The following EIF5 variants were observed in gnomAD, a reference collection of about 807,000 sequenced individuals.
EIF5 encodes the protein eukaryotic translation initiation factor 5.
A neutral mutation model predicts 48.3 loss-of-function variants in EIF5; 10 were observed. The observed-to-expected ratio is 0.21, with a 90% CI of 0.13 to 0.35. EIF5 has a LOEUF of 0.35. Ranked by LOEUF, EIF5 falls within the 10% of genes least tolerant of loss-of-function variation. EIF5 has a pLI of 1.00. For missense variants in EIF5, 397 were observed against 533.2 expected (o/e 0.74, Z 2.51); for synonymous variants, 237 against 173.1 (o/e 1.37, Z -2.90).
chr14:103,338,417 A>T lies in EIF5; in HGVS notation c.530A>T (p.Glu177Val). ...DKENGSVSSSETPPPPPPPNE... is the reference protein window; with the variant it reads ...DKENGSVSSSVTPPPPPPPNE... ...GAAAATGGCTCCGTATCCAGCAGTG[A>T]GACACCACCACCACCACCACCACCA... The change falls in exon 7 of 12, where the codon GAG becomes GTG. Residue 177 changes from glutamate (E) to valine (V), a missense_variant. Physicochemically the swap from Glu to Val is moderately radical, Grantham distance 121. This residue lies in a region of EIF5 where 126 missense variants were observed against 141.9 expected (regional missense o/e 0.89). Coordinates refer to ENST00000216554, the MANE Select transcript of EIF5 (RefSeq NM_001969.5). 3.8e-6 allele frequency: 6 copies of T among 1,594,402 alleles called. No individual in the cohort carries two copies. The highest frequency in any genetic ancestry group is 5.1e-6 in the Non-Finnish European group (6 of 1,166,440).
At chr14:103,340,648 C>T (rs946401693) in intron 11 of EIF5, 87 bp downstream of exon 11, 30 of 1,498,618 alleles carry the variant, frequency 2.0e-5, no homozygotes, top group Non-Finnish European at 2.7e-5. Flanking sequence ...GATATAATGG[C>T]AGTTTGGGGT....
At chr14:103,340,729 T>G (rs1194492620) in intron 11 of EIF5, among the ~76,000 whole-genome samples, 168 bp downstream of exon 11, 1 of 151,996 alleles carries the variant, frequency 6.6e-6, no homozygotes, top group East Asian at 1.9e-4. Flanking sequence ...ATAGAAAGGG[T>G]GATGGAAACT....
chr14:103,339,319 C>T lies in EIF5; in HGVS notation c.892C>T (p.Arg298Cys), dbSNP rs184707282. Residue 298 changes from arginine (R) to cysteine (C), a missense_variant, in exon 9 of 12, where the codon CGC becomes TGC. By Grantham distance (180) the Arg-to-Cys change is radical. Coordinates refer to ENST00000216554, the MANE Select transcript of EIF5 (RefSeq NM_001969.5). Reference sequence around the variant, plus strand: ...TAGAGAACAGATTAAGAAATACAGGCGCCATTTCCTACGAGTAAGCAAAGT... The same window carrying T: ...TAGAGAACAGATTAAGAAATACAGGTGCCATTTCCTACGAGTAAGCAAAGT... ...KIREQIKKYR[R>C]HFLRFCHNNK... The T allele has an allele frequency of 4.4e-6, 7 of 1,591,752 alleles. No individual in the cohort carries two copies. Among genetic ancestry groups the T allele is most frequent in the East Asian group, 4.5e-5 (2 of 44,784 alleles).
rs763751190 is a variant in EIF5, at chr14:103,339,294, T to G, written c.867T>G (p.Ile289Met). 6 of 1,605,894 alleles carry G rather than the reference T, an allele frequency of 3.7e-6. No homozygotes were observed. Among genetic ancestry groups the G allele is most frequent in the Middle Eastern group, 1.7e-4 (1 of 6,026 alleles). Reference protein sequence around the residue: ...VLTEVLFNEKIREQIKKYRRH... With the variant: ...VLTEVLFNEKMREQIKKYRRH... ...CTGAAGTTCTTTTTAATGAGAAGATTAGAGAACAGATTAAGAAATACAGGC... is the reference window on the plus strand; with the variant it reads ...CTGAAGTTCTTTTTAATGAGAAGATGAGAGAACAGATTAAGAAATACAGGC... Residue 289 changes from isoleucine to methionine, a missense_variant, in exon 9 of 12, where the codon ATT (isoleucine) becomes ATG (methionine). Physicochemically the swap from Ile to Met is conservative, Grantham distance 10 (BLOSUM62 1). Coordinates refer to ENST00000216554, the MANE Select transcript of EIF5 (RefSeq NM_001969.5).
At chr14:103,340,829 C>A in intron 11 of EIF5, 134 bp from the exon 12 acceptor site, 2 of 967,368 alleles carry the variant, frequency 2.1e-6, no homozygotes, top group Non-Finnish European at 3.1e-6. Flanking sequence ...GCAGTGTTTG[C>A]ATAACAGAGC....
intron 7 of EIF5, 59 bp downstream of exon 7, chr14:103,338,531 G>A: frequency 6.6e-7 from 1 of 1,520,486 alleles, no homozygotes; most frequent in Non-Finnish European, 8.8e-7. Flanking sequence ...TATGGCATTT[G>A]GTTGAGGTGG....
At chr14:103,338,095 C>T (rs1186487621) in intron 6 of EIF5, 2 of 653,026 alleles carry the variant, frequency 3.1e-6, no homozygotes, top group Admixed American at 2.4e-5. Context: ...TCTTTCTTAG[C>T]AGTTACAATA....
intron 11 of EIF5, 117 bp from the exon 12 acceptor site, chr14:103,340,846 G>T: frequency 1.9e-6 from 2 of 1,057,986 alleles, no homozygotes; most frequent in South Asian, 2.8e-5. Flanking sequence ...GAGCTGTTCC[G>T]TGAAGAAGAA....
rs779387194 is a variant in EIF5 at position 103,338,333 on chromosome 14, G to C, written c.446G>C (p.Ser149Thr). Reference protein sequence around the residue: ...TFILKNPPENSDSGTGKKEKE... With the variant: ...TFILKNPPENTDSGTGKKEKE... ...TTTCCCTTTTTTTCTGTAGAGAATA[G>C]TGACAGTGGTACAGGAAAGAAAGAA... is the stretch of plus-strand genomic sequence containing the variant. Residue 149 changes from serine (S) to threonine (T), a missense_variant, in exon 7 of 12, where the codon AGT becomes ACT. Ser to Thr is a moderately conservative substitution (Grantham distance 58). Transcript: ENST00000216554. The C allele has an allele frequency of 6.2e-7, 1 of 1,613,606 alleles. No homozygotes were observed. Among genetic ancestry groups the C allele is most frequent in the South Asian group, 1.1e-5 (1 of 91,040 alleles).
chr14:103,341,037 T>C lies in EIF5; in HGVS notation c.1281T>C (p.Asp427=), dbSNP rs765507870. The C allele has an allele frequency of 9.0e-5, 146 of 1,613,994 alleles. No individual in the cohort carries two copies. The highest frequency in any genetic ancestry group is 1.2e-4 in the Non-Finnish European group (139 of 1,179,968). The change falls in exon 12 of 12, where the codon GAT becomes GAC. Residue 427 remains aspartate (D), a synonymous_variant. Coordinates refer to ENST00000216554, the MANE Select transcript of EIF5 (RefSeq NM_001969.5). ...VKSDNKDDDI[D]IDAI Reference sequence around the variant, plus strand: ...CAGACAACAAGGATGACGACATCGATATTGATGCCATTTAAAGGGATGGAT... The same window carrying C: ...CAGACAACAAGGATGACGACATCGACATTGATGCCATTTAAAGGGATGGAT...
In EIF5 at chr14:103,337,250, C is replaced by T. The variant is rs188535481; in HGVS notation, c.439+23C>T. On this transcript the variant is annotated intron_variant, in intron 6 of 11. Coordinates refer to ENST00000216554, the MANE Select transcript of EIF5 (RefSeq NM_001969.5). ...CTGGTGAGTCTTCCATGATGAACTC[C>T]TAAGATCCTAAGATAAGTTACTAAC... 4 of 1,553,948 alleles carry T rather than the reference C, an allele frequency of 2.6e-6. No homozygotes were observed. The South Asian group carries it at 3.5e-5, about 14-fold the overall frequency.
chr14:103,334,914 A>G (rs902579285), intron 2 of EIF5: 1 of 151,400 alleles, frequency 6.6e-6, no homozygotes, highest in African/African-American at 2.4e-5. Flanking sequence ...CCGGCTGTGC[A>G]CCCTCCGGGG....
Position 103,335,779 on chromosome 14 carries a change from CCTT to C in EIF5, c.-76_-74del, listed in dbSNP as rs1212437966. 3 of 1,483,076 alleles carry C rather than the reference CCTT, an allele frequency of 2.0e-6. No homozygotes were observed. Among genetic ancestry groups the C allele is most frequent in the Non-Finnish European group, 2.8e-6 (3 of 1,064,746 alleles). 91.9% of individuals were successfully genotyped at this position (1,483,076 alleles called of 1,614,324 possible). A position where few individuals can be genotyped will look rare whatever the true frequency, so the allele number is the denominator to read the frequency against. ...AACTCTTGCAGTCGTTTATGTCATC[CCTT>C]CTTCTCCAGACAGAAGATACCAAAA... On this transcript the variant is annotated 5_prime_UTR_variant, in exon 3 of 12. Transcript: ENST00000216554.
intron 11 of EIF5, 68 bp from the exon 12 acceptor site, chr14:103,340,895 A>G (rs976364773): frequency 1.6e-4 from 238 of 1,521,010 alleles, no homozygotes; most frequent in African/African-American, 6.7e-4. Flanking sequence ...TGTGACCACA[A>G]TTTACATTGA....
At chr14:103,339,367 T>TA (rs1566722582) in intron 9 of EIF5, 34 bp downstream of exon 9, 1 of 1,568,750 alleles carries the variant, frequency 6.4e-7, no homozygotes, top group East Asian at 2.2e-5. Context: ...TAAATGAGAT[T>TA]ACAGTTGTGT....
At chr14:103,335,987 T>C in intron 3 of EIF5, 49 bp from the exon 4 acceptor site, 2 of 1,613,996 alleles carry the variant, frequency 1.2e-6, no homozygotes, top group Non-Finnish European at 1.7e-6. Flanking sequence ...ATTTTGAAGT[T>C]TGCATTTGTC....
chr14:103,342,429 G>A lies in EIF5; in HGVS notation c.*1377G>A, dbSNP rs529934199. On this transcript the variant is annotated 3_prime_UTR_variant, in exon 12 of 12. Coordinates refer to ENST00000216554, the MANE Select transcript of EIF5 (RefSeq NM_001969.5). The stretch of plus-strand genomic sequence containing the variant: ...GACTGTTTGAGTAATCATCTTCAAG[G>A]TTAAACCTCTTGGCAGTTACCCTTT... The A allele has an allele frequency of 1.3e-5, 2 of 152,298 alleles. No individual in the cohort carries two copies. Among genetic ancestry groups the A allele is most frequent in the Admixed American group, 6.5e-5 (1 of 15,300 alleles). The allele number at this position is 152,298 out of a possible 1,614,324, so 9.4% of individuals were successfully genotyped here.
chr14:103,341,314 CATTT>C lies in EIF5; in HGVS notation c.*265_*268del. On this transcript the variant is annotated 3_prime_UTR_variant, in exon 12 of 12. Transcript: ENST00000216554. The stretch of plus-strand genomic sequence containing the variant: ...ACTAGTGGTGGACACATTTGGATCA[CATTT>C]ATACAGTTATAAAAATAAAGGTTTG... The C allele has an allele frequency of 3.1e-6, 1 of 327,844 alleles. No individual in the cohort carries two copies. 20.3% of individuals were successfully genotyped at this position (327,844 alleles called of 1,614,324 possible).
Position 103,336,681 on chromosome 14 carries a change from C to T in EIF5, c.159C>T (p.Pro53=), listed in dbSNP as rs913538613. Residue 53 remains proline (P), a synonymous_variant, in exon 5 of 12, where the codon CCC becomes CCT. Transcript: ENST00000216554. The part of the protein sequence containing the change: ...AKALNRPPTY[P]TKYFGCELGA... ...ACTCCTTTTTCATTCAAATAGATCC[C>T]ACCAAATATTTTGGTTGTGAGCTGG... 6.2e-7 allele frequency: 1 copy of T among 1,607,342 alleles called. No individual in the cohort carries two copies. The highest frequency in any genetic ancestry group is 8.5e-7 in the Non-Finnish European group (1 of 1,177,782).
Sources: allele counts gnomAD v4.1 joint callset (sites outside exome capture counted in the v4.1 genomes callset), GRCh38; gene constraint gnomAD v4.1.1; regional missense constraint gnomAD v4.1.1; transcripts MANE v1.5; gene names NCBI Gene and HGNC (gene_info 2026-07-23, HGNC 2026-07-21).